The following BACH1 variants were observed in gnomAD, a reference collection of about 807,000 sequenced individuals.
BACH1 encodes the protein BTB domain and CNC homolog 1, also known as transcription regulator protein BACH1.
BACH1 carries 35 observed loss-of-function variants against 52.9 expected under a neutral mutation model. The ratio of observed to expected loss-of-function variants is 0.66; its 90% confidence interval spans 0.51 to 0.88. The LOEUF (loss-of-function observed/expected upper bound fraction) is 0.88, where lower values mean the gene tolerates loss of function less well. Among genes scored for constraint, BACH1 ranks in the 40% least tolerant of loss-of-function variants. The pLI, the probability that BACH1 is intolerant of heterozygous loss-of-function variation, is 0.00. For synonymous variants in BACH1, 321 were observed against 319.6 expected (o/e 1.00, Z -0.05); for missense variants, 808 against 872.6 (o/e 0.93, Z 0.93).
intron 1 of BACH1, among the ~76,000 whole-genome samples, chr21:29,318,347 C>T: frequency 6.6e-6 from 1 of 152,098 alleles, no homozygotes; most frequent in South Asian, 2.1e-4. Context: ...GATAGAGGTG[C>T]CCAGCTGAGG....
At chr21:29,361,836 G>A (rs1035140914) in intron 2 of BACH1, 10 of 152,126 alleles carry the variant, frequency 6.6e-5, no homozygotes, top group African/African-American at 2.2e-4. Flanking sequence ...CTTGTATACC[G>A]TCTTTAATAA....
At chr21:29,358,240 G>T (rs1232286523) in intron 2 of BACH1, among the ~76,000 whole-genome samples, 2 of 152,076 alleles carry the variant, frequency 1.3e-5, no homozygotes, top group African/African-American at 4.8e-5. Context: ...ACAGTTACAG[G>T]GCTAATATCT....
intron 1 of BACH1, among the ~76,000 whole-genome samples, chr21:29,312,496 C>G (rs2088737298): frequency 6.6e-6 from 1 of 152,168 alleles, no homozygotes; most frequent in Admixed American, 6.5e-5. Flanking sequence ...TTGCAGATGA[C>G]ATGATTGTGT....
Position 29,326,445 on chromosome 21 carries a change from T to C in BACH1, c.621T>C (p.Tyr207=), listed in dbSNP as rs1245155161. 1.5e-5 allele frequency: 25 copies of C among 1,614,230 alleles called. No individual in the cohort carries two copies. The highest frequency in any genetic ancestry group is 2.1e-5 in the Non-Finnish European group (25 of 1,180,042). Residue 207 remains tyrosine (Y), a synonymous_variant, in exon 3 of 5, where the codon TAT becomes TAC. Transcript: ENST00000286800. ...PPLQDSASQT[Y]ESMCLEKDAA... ...TACAAGACAGTGCCAGTCAGACATA[T>C]GAGTCCATGTGCTTAGAGAAGGATG... is the stretch of plus-strand genomic sequence containing the variant.
intron 1 of BACH1, among the ~76,000 whole-genome samples, chr21:29,312,143 G>C (rs2088731074): frequency 1.3e-5 from 2 of 152,194 alleles, no homozygotes; most frequent in Admixed American, 1.3e-4. Flanking sequence ...AGGGGTATCT[G>C]AGATGTAAGC....
In BACH1 at chr21:29,334,415, A is replaced by G. The variant is rs75499889; in HGVS notation, c.1776+4722A>G. 7.4e-3 allele frequency among the ~76,000 whole-genome samples: 1,131 copies of G among 152,292 alleles called. 11 individuals carry two copies. The highest frequency in any genetic ancestry group is 0.026 in the African/African-American group (1,085 of 41,566). On this transcript the variant is annotated intron_variant, in intron 4 of 4. Transcript: ENST00000286800. ...GCTCGGCCGACTTTTAAAACTAACAATTATAAAGTCTTTGGATTCAGCTTC... is the reference window on the plus strand; with the variant it reads ...GCTCGGCCGACTTTTAAAACTAACAGTTATAAAGTCTTTGGATTCAGCTTC...
At chr21:29,352,899 G>C (rs1364917673) in intron 2 of BACH1, among the ~76,000 whole-genome samples, 1 of 152,092 alleles carries the variant, frequency 6.6e-6, no homozygotes, top group African/African-American at 2.4e-5. Flanking sequence ...TTTTAGTAGA[G>C]ATGGGGTTTC....
chr21:29,330,363 G>A (rs1204763454), intron 4 of BACH1, among the ~76,000 whole-genome samples: 1 of 151,828 alleles, frequency 6.6e-6, no homozygotes, highest in Non-Finnish European at 1.5e-5. Flanking sequence ...TGTATTTTTA[G>A]TAGAGATGGG....
chr21:29,308,547 G>A (rs1569007572), intron 1 of BACH1, among the ~76,000 whole-genome samples: 1 of 151,880 alleles, frequency 6.6e-6, no homozygotes, highest in Admixed American at 6.6e-5. Flanking sequence ...ATTGTGAGTT[G>A]GTGTATAGTT....
chr21:29,323,563 G>A (rs1373511543), intron 2 of BACH1, among the ~76,000 whole-genome samples: 1 of 152,188 alleles, frequency 6.6e-6, no homozygotes, highest in Non-Finnish European at 1.5e-5. Flanking sequence ...CTCGCTGGCA[G>A]CTGAGTGGAT....
downstream of BACH1, among the ~76,000 whole-genome samples, chr21:29,350,124 A>G (rs935424536): frequency 4.6e-5 from 7 of 151,982 alleles, no homozygotes; most frequent in Non-Finnish European, 1.0e-4. Flanking sequence ...ACCCAGACCA[A>G]CGTCACTCCT....
At position 29,342,692 on chromosome 21, in the gene BACH1, T is replaced by C. The variant is rs769128638; in HGVS notation, c.2070T>C (p.Pro690=). The C allele has an allele frequency of 5.6e-6, 9 of 1,614,118 alleles. No individual in the cohort carries two copies. The Admixed American group carries it at 1.0e-4, about 18-fold the overall frequency. ...CCTGTGCCAGAGGAAACAGTGAGCC[T>C]GGCTACGCGCGAGGGCAGGAGTCCC... ...LPPCARGNSE[P]GYARGQESQQ... is the part of the protein sequence containing the mutation. Residue 690 remains proline, a synonymous_variant, in exon 5 of 5, where the codon CCT becomes CCC. Coordinates refer to ENST00000286800, the MANE Select transcript of BACH1 (RefSeq NM_001186.4).
At chr21:29,304,249 C>T (rs1035822499) in intron 1 of BACH1, among the ~76,000 whole-genome samples, 6 of 151,772 alleles carry the variant, frequency 4.0e-5, no homozygotes, top group South Asian at 4.2e-4. Flanking sequence ...CCTCAGCCTC[C>T]GTAGTAGCTG....
At chr21:29,310,251 A>G (rs894363014) in intron 1 of BACH1, among the ~76,000 whole-genome samples, 3 of 152,174 alleles carry the variant, frequency 2.0e-5, no homozygotes, top group Admixed American at 2.0e-4. Flanking sequence ...TATCTTTTTA[A>G]CCAAGGCACA....
At chr21:29,353,196 T>A (rs2089213506) in intron 2 of BACH1, among the ~76,000 whole-genome samples, 1 of 152,190 alleles carries the variant, frequency 6.6e-6, no homozygotes, top group Non-Finnish European at 1.5e-5. Context: ...TGAGAAGATG[T>A]AAGAACTGAA....
chr21:29,321,645 C>CA, intron 2 of BACH1, 131 bp downstream of exon 2: 8 of 505,014 alleles, frequency 1.6e-5, no homozygotes, highest in Non-Finnish European at 2.5e-5. Context: ...TGTGCAACCC[C>CA]TTTTTTTTTT....
rs752198130 is a variant in BACH1, at chr21:29,326,304, G to A, written c.480G>A (p.Leu160=). 1 of 1,614,110 alleles carries A rather than the reference G, an allele frequency of 6.2e-7. No homozygotes were observed. Among genetic ancestry groups the A allele is most frequent in the Non-Finnish European group, 8.5e-7 (1 of 1,180,022 alleles). Reference sequence around the variant, plus strand: ...AAACAGACCTTAAACTTTCACTTTTGGACCAGAGGGATCTAGAAACTGATG... The same window carrying A: ...AAACAGACCTTAAACTTTCACTTTTAGACCAGAGGGATCTAGAAACTGATG... ...CQKTDLKLSL[L]DQRDLETDEV... The change falls in exon 3 of 5, where the codon TTG becomes TTA. Residue 160 remains leucine (L), a synonymous_variant. Coordinates refer to ENST00000286800, the MANE Select transcript of BACH1 (RefSeq NM_001186.4).
intron 2 of BACH1, among the ~76,000 whole-genome samples, chr21:29,360,325 A>G (rs1177298261): frequency 6.6e-6 from 1 of 152,232 alleles, no homozygotes; most frequent in African/African-American, 2.4e-5. Flanking sequence ...CTTTGGGCTC[A>G]CAAAACGTAG....
rs186025232 is a variant in BACH1, at chr21:29,333,654, A to G, written c.1776+3961A>G. The stretch of plus-strand genomic sequence containing the variant: ...TTGGCTGTTTGTTTTCCTAGAAAGA[A>G]ATCTTGGAACTTTTTGCAGTTCGTC... On this transcript the variant is annotated intron_variant, in intron 4 of 4. Transcript: ENST00000286800. 6.0e-4 allele frequency among the ~76,000 whole-genome samples: 92 copies of G among 152,344 alleles called. 1 individual carries two copies. The highest frequency in any genetic ancestry group is 9.7e-4 in the Non-Finnish European group (66 of 68,032).
Sources: gnomAD v4.1 joint callset for allele counts (sites outside exome capture counted in the v4.1 genomes callset) on GRCh38, gnomAD v4.1.1 for gene constraint, MANE v1.5 for transcripts, NCBI Gene and HGNC (gene_info 2026-07-23, HGNC 2026-07-21) for gene names.